Variants in PRELID2 observed in about 807,000 individuals in gnomAD.
PRELID2 encodes the protein PRELI domain-containing protein 2.
PRELID2 carries 25 observed loss-of-function variants against 28.4 expected under a neutral mutation model. The ratio of observed to expected loss-of-function variants is 0.88; its 90% CI spans 0.64 to 1.23. The LOEUF (loss-of-function observed/expected upper bound fraction) is 1.23. Among genes scored for constraint, PRELID2 ranks in the 50% most tolerant of loss-of-function variants. The probability of loss-of-function intolerance (pLI) is 0.00; values close to 1 mark genes in which losing one functional copy is unlikely to be tolerated. For missense variants in PRELID2, 201 were observed against 214.4 expected (o/e 0.94, Z 0.39); for synonymous variants, 76 against 71.6 (o/e 1.06, Z -0.31).
chr5:145,800,085 T>C (rs1040817419), intron 4 of PRELID2, among the ~76,000 whole-genome samples: 8 of 152,170 alleles, frequency 5.3e-5, no homozygotes, highest in Non-Finnish European at 1.0e-4. Context: ...TGTGTTTATA[T>C]GCATGCATAT....
intron 5 of PRELID2, among the ~76,000 whole-genome samples, chr5:145,765,525 A>G (rs954337194): frequency 6.6e-6 from 1 of 152,172 alleles, no homozygotes. Flanking sequence ...ACCTGAAGTC[A>G]TGTCCCTCCA....
chr5:145,287,507 A>G, the PRELID2 span, among the ~76,000 whole-genome samples: 1 of 152,150 alleles, frequency 6.6e-6, no homozygotes, highest in Non-Finnish European at 1.5e-5. Context: ...GCAATTTAAA[A>G]CTTATAAATT....
chr5:145,615,860 CT>C (rs529233832), intron 1 of PRELID2, among the ~76,000 whole-genome samples: 55 of 152,314 alleles, frequency 3.6e-4, no homozygotes, highest in Non-Finnish European at 6.8e-4. Flanking sequence ...TAAAGAGGTT[CT>C]GATTTTATCT....
chr5:145,295,611 T>C, the PRELID2 span, among the ~76,000 whole-genome samples: 2 of 152,138 alleles, frequency 1.3e-5, no homozygotes, highest in South Asian at 2.1e-4. Flanking sequence ...GATTGAATCA[T>C]TGTTTTGTAG....
chr5:145,262,627 C>T, the PRELID2 span, among the ~76,000 whole-genome samples: 6 of 152,016 alleles, frequency 3.9e-5, no homozygotes, highest in African/African-American at 1.4e-4. Context: ...CTTTTCCAGA[C>T]AGACATATGC....
the PRELID2 span, among the ~76,000 whole-genome samples, chr5:145,234,245 A>T: frequency 6.6e-6 from 1 of 152,172 alleles, no homozygotes; most frequent in Admixed American, 6.6e-5. Flanking sequence ...CAACTTTAAC[A>T]ACTAATAACT....
At chr5:145,364,468 C>T in the PRELID2 span, among the ~76,000 whole-genome samples, 1 of 151,940 alleles carries the variant, frequency 6.6e-6, no homozygotes, top group South Asian at 2.1e-4. Context: ...TGTCCTGTTC[C>T]TCCATTAGAA....
At chr5:145,781,594 AG>A (rs1751602184) in intron 5 of PRELID2, among the ~76,000 whole-genome samples, 1 of 148,108 alleles carries the variant, frequency 6.8e-6, no homozygotes, top group African/African-American at 2.5e-5. Flanking sequence ...ATAGATATAT[AG>A]TATATCTATA....
Position 145,758,198 on chromosome 5 carries a change from A to G in PRELID2, c.*2338T>C, listed in dbSNP as rs1256439730. Among the ~76,000 whole-genome samples the G allele has an allele frequency of 6.6e-5, 10 of 152,246 alleles. No homozygotes were observed. Among genetic ancestry groups the G allele is most frequent in the African/African-American group, 2.2e-4 (9 of 41,534 alleles). On this transcript the variant is annotated 3_prime_UTR_variant, in exon 7 of 7. Coordinates refer to ENST00000683046, the MANE Select transcript of PRELID2 (RefSeq NM_205846.3). ...TTTTAATTCTGTCTTTTCTTAGAAA[A>G]TTGGAAATAGGAAATACTAAAAAAG...
the PRELID2 span, among the ~76,000 whole-genome samples, chr5:145,437,921 A>C: frequency 1.3e-5 from 2 of 152,158 alleles, no homozygotes; most frequent in African/African-American, 4.8e-5. Context: ...AGTGCATCTT[A>C]GCTCTGAAAA....
chr5:145,353,381 T>G, the PRELID2 span, among the ~76,000 whole-genome samples: 1 of 151,966 alleles, frequency 6.6e-6, no homozygotes, highest in South Asian at 2.1e-4. Context: ...GAGAATCGCT[T>G]GAACCCAGGA....
chr5:145,727,866 G>A (rs1301995397), intron 1 of PRELID2, among the ~76,000 whole-genome samples: 1 of 152,150 alleles, frequency 6.6e-6, no homozygotes, highest in East Asian at 1.9e-4. Flanking sequence ...GCAACATTCA[G>A]GGCATGTAAT....
the PRELID2 span, among the ~76,000 whole-genome samples, chr5:145,384,059 A>T: frequency 6.6e-6 from 1 of 152,168 alleles, no homozygotes; most frequent in African/African-American, 2.4e-5. Flanking sequence ...ACATGAGAAG[A>T]TACTCAAGAT....
the PRELID2 span, among the ~76,000 whole-genome samples, chr5:145,242,120 G>A: frequency 6.6e-6 from 1 of 151,944 alleles, no homozygotes; most frequent in African/African-American, 2.4e-5. Flanking sequence ...ACCAAAGGAA[G>A]GGAAAAGTAG....
At position 145,724,600 on chromosome 5, in the gene PRELID2, AATATATATATATATATATAT is replaced by A. The variant is rs59677300; in HGVS notation, n.70+40311_70+40330del. ...ACACTGAAATAACAAGAAGTAAATAAATATATATATATATATATATATATATATATATATATATATATATA... is the reference window on the plus strand; with the variant it reads ...ACACTGAAATAACAAGAAGTAAATAAATATATATATATATATATATATATA... On this transcript the variant is annotated intron_variant and non_coding_transcript_variant, in intron 1 of 2. Transcript: ENST00000510259. Among the ~76,000 whole-genome samples, 89 of 24,778 alleles carry A rather than the reference AATATATATATATATATATAT, an allele frequency of 3.6e-3. 3 individuals carry two copies. Among genetic ancestry groups the A allele is most frequent in the East Asian group, 0.011 (7 of 644 alleles). 16.3% of individuals were successfully genotyped at this position (24,778 alleles called of 152,430 possible).
chr5:145,296,185 ATTTT>A, the PRELID2 span, among the ~76,000 whole-genome samples: 24 of 150,872 alleles, frequency 1.6e-4, no homozygotes, highest in African/African-American at 5.8e-4. Context: ...TTTTTTATTT[ATTTT>A]TTTATTTTAT....
At chr5:145,828,808 A>C (rs1019639335) in intron 1 of PRELID2, among the ~76,000 whole-genome samples, 3 of 146,652 alleles carry the variant, frequency 2.0e-5, no homozygotes, top group African/African-American at 7.6e-5. Context: ...AGACAGGTCC[A>C]TGTACTTAGA....
chr5:145,612,245 G>A (rs1157066507), intron 1 of PRELID2, among the ~76,000 whole-genome samples: 2 of 152,146 alleles, frequency 1.3e-5, no homozygotes, highest in African/African-American at 4.8e-5. Flanking sequence ...ATATATTCAT[G>A]TACTTAGGTA....
At chr5:145,573,458 C>T (rs1753032153) in intron 1 of PRELID2, among the ~76,000 whole-genome samples, 1 of 152,016 alleles carries the variant, frequency 6.6e-6, no homozygotes, top group African/African-American at 2.4e-5. Context: ...TTTTAAGCCC[C>T]ACATGCATCA....
Sources: allele counts gnomAD v4.1 joint callset (sites outside exome capture counted in the v4.1 genomes callset), GRCh38; gene constraint gnomAD v4.1.1; transcripts MANE v1.5; gene names NCBI Gene and HGNC (gene_info 2026-07-23, HGNC 2026-07-21).